LRRTM4: variants seen among roughly 807,000 people sequenced by gnomAD.
LRRTM4 encodes the protein leucine-rich repeat transmembrane neuronal protein 4.
Under a neutral mutation model 47.6 loss-of-function variants are expected in LRRTM4, and 25 were observed. That is an observed-to-expected ratio of 0.53 (90% CI 0.38 to 0.73). LRRTM4 has a LOEUF of 0.73. LRRTM4 is among the 30% of genes least tolerant of loss of function. LRRTM4 has a pLI of 0.00. For missense variants in LRRTM4, 638 were observed against 713.4 expected (o/e 0.89, Z 1.20); for synonymous variants, 311 against 269.5 (o/e 1.15, Z -1.51).
intron 3 of LRRTM4, among the ~76,000 whole-genome samples, chr2:77,015,592 G>A (rs1678037296): frequency 6.6e-6 from 1 of 151,986 alleles, no homozygotes; most frequent in Non-Finnish European, 1.5e-5. Context: ...CCAAAGTGCT[G>A]GGATTACAGG....
At chr2:77,502,773 T>C (rs1678621472) in intron 3 of LRRTM4, among the ~76,000 whole-genome samples, 1 of 151,492 alleles carries the variant, frequency 6.6e-6, no homozygotes, top group African/African-American at 2.4e-5. Context: ...GAGTATTAGA[T>C]GGGTGAGCAA....
chr2:76,758,050 A>G (rs928314529), intron 3 of LRRTM4, among the ~76,000 whole-genome samples: 1 of 152,150 alleles, frequency 6.6e-6, no homozygotes, highest in African/African-American at 2.4e-5. Flanking sequence ...AGCCTATTTC[A>G]GTTTCCATAT....
chr2:77,438,467 C>G (rs918212715), intron 3 of LRRTM4, among the ~76,000 whole-genome samples: 1 of 135,558 alleles, frequency 7.4e-6, no homozygotes, highest in East Asian at 2.1e-4. Context: ...AGTGTAGTGG[C>G]GCGATCTCGG....
chr2:77,417,125 A>G (rs1674665846), intron 3 of LRRTM4, among the ~76,000 whole-genome samples: 1 of 152,218 alleles, frequency 6.6e-6, no homozygotes, highest in African/African-American at 2.4e-5. Context: ...TATGCAGACA[A>G]AAGACACATG....
At chr2:76,931,045 T>C (rs1346971943) in intron 3 of LRRTM4, among the ~76,000 whole-genome samples, 1 of 152,070 alleles carries the variant, frequency 6.6e-6, no homozygotes, top group African/African-American at 2.4e-5. Flanking sequence ...TTACATTTGT[T>C]TAAAATTTGT....
At chr2:76,966,915 T>G (rs572960041) in intron 3 of LRRTM4, among the ~76,000 whole-genome samples, 17 of 151,640 alleles carry the variant, frequency 1.1e-4, no homozygotes, top group African/African-American at 4.1e-4. Context: ...CTTAAATATT[T>G]TCTTAAGGTA....
intron 3 of LRRTM4, among the ~76,000 whole-genome samples, chr2:76,961,670 T>G (rs946686214): frequency 6.6e-6 from 1 of 151,286 alleles, no homozygotes; most frequent in Non-Finnish European, 1.5e-5. Context: ...TACTTTTACA[T>G]TAGGGCGTCA....
intron 3 of LRRTM4, among the ~76,000 whole-genome samples, chr2:77,088,748 T>G (rs966916412): frequency 1.3e-5 from 2 of 152,134 alleles, no homozygotes; most frequent in South Asian, 2.1e-4. Flanking sequence ...TCTTTGCTCC[T>G]TGAGAAAGAT....
At chr2:76,914,129 T>C (rs1674164178) in intron 3 of LRRTM4, among the ~76,000 whole-genome samples, 1 of 151,986 alleles carries the variant, frequency 6.6e-6, no homozygotes, top group Non-Finnish European at 1.5e-5. Context: ...AACTTTTAAA[T>C]TGATCTTTGT....
chr2:77,297,158 G>T (rs1259053428), intron 3 of LRRTM4, among the ~76,000 whole-genome samples: 4 of 151,896 alleles, frequency 2.6e-5, no homozygotes, highest in African/African-American at 4.8e-5. Flanking sequence ...TTTTGTTTCC[G>T]TTTTGTCTTT....
At chr2:76,804,774 C>CATTGTTTTATAACAATATATAT (rs1675885156) in intron 3 of LRRTM4, among the ~76,000 whole-genome samples, 3 of 147,752 alleles carry the variant, frequency 2.0e-5, no homozygotes, top group Non-Finnish European at 4.5e-5. Flanking sequence ...ATATATATAT[C>CATTGTTTTATAACAATATATAT]ATGTTTTATA....
At chr2:77,356,178 A>G (rs1671960753) in intron 3 of LRRTM4, among the ~76,000 whole-genome samples, 1 of 152,204 alleles carries the variant, frequency 6.6e-6, no homozygotes, top group Admixed American at 6.5e-5. Context: ...TAATTGAAAC[A>G]TTAAAGATCT....
chr2:77,274,247 C>T (rs59255193), intron 3 of LRRTM4, among the ~76,000 whole-genome samples: 23,732 of 151,882 alleles, frequency 0.16, 4,016 homozygotes, highest in African/African-American at 0.43. Context: ...TAATTTATCA[C>T]GAAAAGGTTA....
At chr2:77,132,036 A>G (rs889583956) in intron 3 of LRRTM4, among the ~76,000 whole-genome samples, 7 of 152,188 alleles carry the variant, frequency 4.6e-5, no homozygotes, top group African/African-American at 1.7e-4. Flanking sequence ...ATTTTGAAAT[A>G]CGTGTTACAT....
intron 3 of LRRTM4, among the ~76,000 whole-genome samples, chr2:77,494,961 T>C (rs1678305664): frequency 6.6e-6 from 1 of 152,162 alleles, no homozygotes; most frequent in African/African-American, 2.4e-5. Flanking sequence ...GATTCATCTA[T>C]GTTGTGATAT....
rs113446110 is a variant in LRRTM4 at position 76,915,953 on chromosome 2, C to T, written c.1552-167037G>A. On this transcript the variant is annotated intron_variant, in intron 3 of 3. Transcript: ENST00000409884. ...AAGGTAATCTTTGCCTCTTAAAAGG[C>T]AGTTTGTTAGTGAGCCATAGATTAG... Among the ~76,000 whole-genome samples, 1,472 of 152,064 alleles carry T rather than the reference C, an allele frequency of 9.7e-3. 28 individuals are homozygous for T. The highest frequency in any genetic ancestry group is 0.034 in the African/African-American group (1,401 of 41,484).
chr2:77,313,826 C>T (rs1407938866), intron 3 of LRRTM4, among the ~76,000 whole-genome samples: 1 of 152,158 alleles, frequency 6.6e-6, no homozygotes, highest in Non-Finnish European at 1.5e-5. Context: ...AAAGACTACC[C>T]ATTGTCATTC....
chr2:76,935,123 G>C (rs1674899440), intron 3 of LRRTM4, among the ~76,000 whole-genome samples: 2 of 152,112 alleles, frequency 1.3e-5, no homozygotes, highest in Non-Finnish European at 2.9e-5. Context: ...TCAAGAGCAG[G>C]AAAGACAAAA....
chr2:77,256,647 G>A (rs779616369), intron 3 of LRRTM4, among the ~76,000 whole-genome samples: 17 of 152,208 alleles, frequency 1.1e-4, no homozygotes, highest in Non-Finnish European at 1.6e-4. Context: ...CTTGCCTTCC[G>A]CCATGATTGT....
Sources: allele counts gnomAD v4.1 joint callset (sites outside exome capture counted in the v4.1 genomes callset), GRCh38; gene constraint gnomAD v4.1.1; transcripts MANE v1.5; gene names NCBI Gene and HGNC (gene_info 2026-07-23, HGNC 2026-07-21).